CCDC126: variants seen among roughly 807,000 people sequenced by gnomAD.
CCDC126 encodes the protein coiled-coil domain-containing protein 126.
In CCDC126, 5 loss-of-function variants were observed where a neutral mutation model predicts 11.7. The observed-to-expected ratio is 0.43, with a 90% confidence interval of 0.22 to 0.90. The LOEUF is 0.90. Ranked by LOEUF, CCDC126 falls within the 40% of genes least tolerant of loss-of-function variation. CCDC126 has a pLI of 0.27. For missense variants in CCDC126, 150 were observed against 163.1 expected (o/e 0.92, Z 0.44); for synonymous variants, 60 against 61.9 (o/e 0.97, Z 0.14).
intron 3 of CCDC126, among the ~76,000 whole-genome samples, chr7:23,641,565 A>G (rs959311320): frequency 6.6e-6 from 1 of 152,210 alleles, no homozygotes; most frequent in Non-Finnish European, 1.5e-5. Flanking sequence ...TGATAGAACC[A>G]TCAGCACATT....
chr7:23,618,538 A>ATTTT (rs5741645), intron 3 of CCDC126, among the ~76,000 whole-genome samples: 1 of 119,620 alleles, frequency 8.4e-6, no homozygotes, highest in Admixed American at 8.5e-5. Context: ...GATCAGCTAA[A>ATTTT]TTTTTTTTTT....
intron 3 of CCDC126, chr7:23,619,518 G>C: frequency 3.0e-6 from 1 of 332,056 alleles, no homozygotes; most frequent in Non-Finnish European, 6.0e-6. Context: ...GTAATGCACA[G>C]CTGGGCCCAC....
chr7:23,613,562 G>A (rs1486222454), intron 3 of CCDC126, among the ~76,000 whole-genome samples: 1 of 152,176 alleles, frequency 6.6e-6, no homozygotes, highest in Non-Finnish European at 1.5e-5. Context: ...AGCAAGGTGA[G>A]AGTTTAGCTT....
chr7:23,604,430 G>A (rs1245444945), intron 2 of CCDC126, among the ~76,000 whole-genome samples: 1 of 152,188 alleles, frequency 6.6e-6, no homozygotes, highest in Non-Finnish European at 1.5e-5. Context: ...CTGGGTTGTG[G>A]AGGCCCATGA....
chr7:23,633,645 CT>C (rs1783153245), intron 3 of CCDC126, among the ~76,000 whole-genome samples: 2 of 152,130 alleles, frequency 1.3e-5, no homozygotes, highest in African/African-American at 2.4e-5. Flanking sequence ...GGGAGGATCA[CT>C]TAAGATCGGG....
At chr7:23,627,665 C>A (rs1783038585) in intron 3 of CCDC126, among the ~76,000 whole-genome samples, 1 of 152,094 alleles carries the variant, frequency 6.6e-6, no homozygotes, top group African/African-American at 2.4e-5. Flanking sequence ...GTGGCACGAT[C>A]ATGGCTCACT....
rs1783426610 is a variant in CCDC126 at position 23,644,546 on chromosome 7, C to A, written c.*1431C>A. The stretch of plus-strand genomic sequence containing the variant: ...TCATGAAAGACAGATTTCCAAATCT[C>A]TCTTCTCTTCTCTGTACTGTCTACC... On this transcript the variant is annotated 3_prime_UTR_variant, in exon 4 of 4. Transcript: ENST00000307471. 1 of 152,468 alleles carries A rather than the reference C, an allele frequency of 6.6e-6. No individual in the cohort carries two copies. Among genetic ancestry groups the A allele is most frequent in the Admixed American group, 6.6e-5 (1 of 15,266 alleles). 9.4% of individuals were successfully genotyped at this position (152,468 alleles called of 1,614,324 possible).
intron 3 of CCDC126, among the ~76,000 whole-genome samples, chr7:23,627,817 C>T (rs1349958731): frequency 6.6e-6 from 1 of 152,026 alleles, no homozygotes; most frequent in Non-Finnish European, 1.5e-5. Flanking sequence ...TGATCTCAAA[C>T]TCCTGGGCTC....
chr7:23,606,447 T>A (rs994397020), intron 2 of CCDC126, among the ~76,000 whole-genome samples: 1 of 152,122 alleles, frequency 6.6e-6, no homozygotes, highest in Non-Finnish European at 1.5e-5. Flanking sequence ...ATGAGTTTTG[T>A]TTTTGGAAGA....
At chr7:23,618,375 A>G (rs890677982) in intron 3 of CCDC126, among the ~76,000 whole-genome samples, 3 of 151,978 alleles carry the variant, frequency 2.0e-5, no homozygotes, top group South Asian at 4.2e-4. Context: ...GGGTCTTCCC[A>G]TTAGCACAAA....
intron 3 of CCDC126, among the ~76,000 whole-genome samples, chr7:23,637,293 G>A (rs1783248625): frequency 1.0e-4 from 2 of 19,916 alleles, no homozygotes; most frequent in African/African-American, 4.5e-4. Flanking sequence ...CGCCCCGTCC[G>A]GGAGGGAGGT....
At chr7:23,638,144 G>C (rs916422861) in intron 3 of CCDC126, among the ~76,000 whole-genome samples, 4 of 149,132 alleles carry the variant, frequency 2.7e-5, no homozygotes, top group Non-Finnish European at 4.5e-5. Flanking sequence ...GGAGAGGGGC[G>C]CTTCTGCCCG....
chr7:23,613,858 G>T (rs1782755282), intron 3 of CCDC126, among the ~76,000 whole-genome samples: 1 of 152,182 alleles, frequency 6.6e-6, no homozygotes, highest in African/African-American at 2.4e-5. Flanking sequence ...ACACTATACT[G>T]TAATCTCTTA....
At chr7:23,618,222 G>A (rs1251317095) in intron 3 of CCDC126, among the ~76,000 whole-genome samples, 1 of 152,186 alleles carries the variant, frequency 6.6e-6, no homozygotes, top group Non-Finnish European at 1.5e-5. Context: ...GTCTCATTAT[G>A]TAGGCATGAT....
intron 3 of CCDC126, chr7:23,622,778 A>G (rs915680364): frequency 1.8e-5 from 9 of 495,708 alleles, no homozygotes; most frequent in African/African-American, 1.8e-4. Context: ...CTAACCATAG[A>G]TACAACATTG....
intron 2 of CCDC126, among the ~76,000 whole-genome samples, chr7:23,608,020 C>T (rs886624364): frequency 2.6e-5 from 4 of 152,198 alleles, no homozygotes; most frequent in African/African-American, 9.7e-5. Context: ...GCCGAATATA[C>T]ATATTTAATA....
At chr7:23,622,317 A>G (rs1235463906) in intron 3 of CCDC126, among the ~76,000 whole-genome samples, 3 of 152,116 alleles carry the variant, frequency 2.0e-5, no homozygotes, top group Non-Finnish European at 4.4e-5. Context: ...GGGAGGGTGT[A>G]TGTGTCAAGG....
chr7:23,625,722 C>A (rs1331798015), intron 3 of CCDC126, among the ~76,000 whole-genome samples: 2 of 133,902 alleles, frequency 1.5e-5, no homozygotes, highest in African/African-American at 5.8e-5. Context: ...ATGGCGCTCT[C>A]TCAGCTCACT....
At chr7:23,629,250 T>C (rs947222285) in intron 3 of CCDC126, among the ~76,000 whole-genome samples, 1 of 152,196 alleles carries the variant, frequency 6.6e-6, no homozygotes, top group African/African-American at 2.4e-5. Flanking sequence ...TCTACCCTTA[T>C]GAATGGGATT....
Sources: allele counts gnomAD v4.1 joint callset (sites outside exome capture counted in the v4.1 genomes callset), GRCh38; gene constraint gnomAD v4.1.1; transcripts MANE v1.5; gene names NCBI Gene and HGNC (gene_info 2026-07-23, HGNC 2026-07-21).